IQGAP1: variants seen among roughly 807,000 people sequenced by gnomAD.
The protein encoded by IQGAP1 is ras GTPase-activating-like protein IQGAP1.
In IQGAP1, 66 loss-of-function variants were observed where a neutral mutation model predicts 215.6. The observed-to-expected ratio is 0.31, with a 90% CI of 0.25 to 0.38. The LOEUF is 0.38. Ranked by LOEUF, IQGAP1 falls within the 10% of genes least tolerant of loss-of-function variation. The pLI, the probability that IQGAP1 is intolerant of heterozygous loss-of-function variation, is 1.00. For missense variants in IQGAP1, 1,712 were observed against 1,997.1 expected, an observed-to-expected ratio of 0.86 and a Z score of 2.72; for synonymous variants, 772 against 728.7, an observed-to-expected ratio of 1.06 and a Z score of -0.96.
At chr15:90,473,538 G>A (rs1412437300) in intron 19 of IQGAP1, 177 bp from the exon 20 acceptor site, 8 of 588,684 alleles carry the variant, frequency 1.4e-5, no homozygotes, top group Middle Eastern at 4.6e-4. Context: ...TAGCCATCGT[G>A]TTCTTCCAGT....
intron 33 of IQGAP1, among the ~76,000 whole-genome samples, chr15:90,488,048 C>T (rs755611551): frequency 2.8e-4 from 42 of 151,842 alleles, no homozygotes; most frequent in Non-Finnish European, 4.9e-4. Context: ...CGTGAAACCC[C>T]GTCTCTACTA....
At chr15:90,465,643 G>A (rs1965819477) in intron 15 of IQGAP1, among the ~76,000 whole-genome samples, 1 of 151,504 alleles carries the variant, frequency 6.6e-6, no homozygotes, top group South Asian at 2.1e-4. Context: ...TGGGACTATA[G>A]GCGTGCACCA....
In IQGAP1 at chr15:90,482,114, G is replaced by C; in HGVS notation, c.3470+14G>C. 6.2e-7 allele frequency: 1 copy of C among 1,614,198 alleles called. No individual in the cohort carries two copies. Among genetic ancestry groups the C allele is most frequent in the Non-Finnish European group, 8.5e-7 (1 of 1,180,026 alleles). ...GGACAAAATCCCGTGAGTGCCATCA[G>C]TTGTCATGACCCCCAGTAGAACCCA... On this transcript the variant is annotated intron_variant, in intron 27 of 37. Transcript: ENST00000268182.
intron 5 of IQGAP1, among the ~76,000 whole-genome samples, chr15:90,435,075 C>T (rs1965352648): frequency 6.6e-6 from 1 of 152,102 alleles, no homozygotes; most frequent in Non-Finnish European, 1.5e-5. Flanking sequence ...CTTGAGCAAA[C>T]ATGTACTAGA....
intron 1 of IQGAP1, among the ~76,000 whole-genome samples, 185 bp downstream of exon 1, chr15:90,388,581 G>T (rs1047438225): frequency 3.2e-4 from 48 of 152,066 alleles, no homozygotes; most frequent in Non-Finnish European, 5.3e-4. Context: ...GCCCCCTCGG[G>T]GTCCGAGGCG....
chr15:90,463,887 G>A (rs1289468844), intron 15 of IQGAP1, among the ~76,000 whole-genome samples: 2 of 152,128 alleles, frequency 1.3e-5, no homozygotes, highest in African/African-American at 4.8e-5. Flanking sequence ...TTTATAAATT[G>A]CAGGGATTGT....
intron 18 of IQGAP1, among the ~76,000 whole-genome samples, chr15:90,470,137 C>G (rs1482167839): frequency 6.6e-6 from 1 of 152,160 alleles, no homozygotes; most frequent in Admixed American, 6.5e-5. Flanking sequence ...CAGCATGTGA[C>G]CTGACCTCTT....
intron 14 of IQGAP1, among the ~76,000 whole-genome samples, chr15:90,454,827 A>G (rs1011027167): frequency 2.6e-5 from 4 of 152,198 alleles, no homozygotes; most frequent in African/African-American, 9.7e-5. Context: ...CTGACACTAC[A>G]TGGAATTAGG....
chr15:90,488,329 T>C (rs1399177737), intron 33 of IQGAP1, among the ~76,000 whole-genome samples: 2 of 152,202 alleles, frequency 1.3e-5, no homozygotes, highest in African/African-American at 2.4e-5. Context: ...AGACTACTTA[T>C]AATACCTACT....
intron 3 of IQGAP1, among the ~76,000 whole-genome samples, chr15:90,426,881 A>C (rs1567122522): frequency 6.8e-6 from 1 of 147,316 alleles, no homozygotes; most frequent in African/African-American, 2.5e-5. Flanking sequence ...TGAACCCGGG[A>C]GGCAGAGGTT....
chr15:90,450,851 A>G (rs895548492), intron 11 of IQGAP1, among the ~76,000 whole-genome samples: 6 of 114,666 alleles, frequency 5.2e-5, no homozygotes, highest in Non-Finnish European at 7.3e-5. Context: ...AATTTCTTAT[A>G]TATTATGGTT....
intron 14 of IQGAP1, among the ~76,000 whole-genome samples, chr15:90,455,236 G>A (rs181177793): frequency 3.3e-5 from 5 of 152,238 alleles, no homozygotes; most frequent in East Asian, 1.9e-4. Flanking sequence ...TTACATATGC[G>A]TGATTGATAG....
chr15:90,467,451 A>G lies in IQGAP1; in HGVS notation c.2037A>G (p.Gly679=), dbSNP rs1965847345. 1 of 1,606,518 alleles carries G rather than the reference A, an allele frequency of 6.2e-7. No individual in the cohort carries two copies. The highest frequency in any genetic ancestry group is 1.1e-5 in the South Asian group (1 of 89,650). The change falls in exon 18 of 38, where the codon GGA becomes GGG. Residue 679 remains glycine, a splice_region_variant and synonymous_variant. Coordinates refer to ENST00000268182, the MANE Select transcript of IQGAP1 (RefSeq NM_003870.4). ...AEAKKKKLAV[G]DNNSKWVKHW... ...TATCTTTCCTTTATTTTCTGCCAGGAGATAATAACAGCAAGTGGGTGAAGC... is the reference window on the plus strand; with the variant it reads ...TATCTTTCCTTTATTTTCTGCCAGGGGATAATAACAGCAAGTGGGTGAAGC...
chr15:90,403,403 G>A (rs1387043689), intron 2 of IQGAP1, among the ~76,000 whole-genome samples: 1 of 151,942 alleles, frequency 6.6e-6, no homozygotes, highest in East Asian at 1.9e-4. Flanking sequence ...AGATAGATTT[G>A]GTCTTAATTT....
intron 15 of IQGAP1, 91 bp from the exon 16 acceptor site, chr15:90,465,910 T>C: frequency 2.1e-6 from 2 of 963,100 alleles, no homozygotes; most frequent in Non-Finnish European, 3.4e-6. Flanking sequence ...TCTTCCATAT[T>C]TAATTGAGTC....
chr15:90,477,378 T>A, intron 25 of IQGAP1, 148 bp downstream of exon 25: 1 of 737,564 alleles, frequency 1.4e-6, no homozygotes, highest in Non-Finnish European at 2.2e-6. Flanking sequence ...TTTAAATAAC[T>A]GATATAAAAT....
Position 90,452,948 on chromosome 15 carries a change from C to A in IQGAP1, c.1326+10C>A. 6.2e-7 allele frequency: 1 copy of A among 1,613,442 alleles called. No individual in the cohort carries two copies. Among genetic ancestry groups the A allele is most frequent in the Non-Finnish European group, 8.5e-7 (1 of 1,179,860 alleles). ...GCGACAAAGTCCTGAAGTGAGTTCA[C>A]TAAACCTGTCCTGTTTGTGAGCAAA... On this transcript the variant is annotated intron_variant, in intron 12 of 37. Transcript: ENST00000268182.
At chr15:90,464,344 C>T (rs1004504312) in intron 15 of IQGAP1, among the ~76,000 whole-genome samples, 7 of 152,084 alleles carry the variant, frequency 4.6e-5, no homozygotes, top group Non-Finnish European at 7.4e-5. Flanking sequence ...TAATAAAGAA[C>T]CCCCACTCTT....
intron 6 of IQGAP1, 92 bp downstream of exon 6, chr15:90,439,491 A>G: frequency 1.1e-6 from 1 of 910,120 alleles, no homozygotes; most frequent in East Asian, 2.6e-5. Context: ...CTAGGGCTTT[A>G]AAAATACACT....
Sources: gnomAD v4.1 joint callset for allele counts (sites outside exome capture counted in the v4.1 genomes callset) on GRCh38, gnomAD v4.1.1 for gene constraint, MANE v1.5 for transcripts, NCBI Gene and HGNC (gene_info 2026-07-23, HGNC 2026-07-21) for gene names.